Variants in CLNS1A observed in about 807,000 individuals in gnomAD.
CLNS1A encodes the protein chloride nucleotide-sensitive channel 1A.
Under a neutral mutation model 29.4 loss-of-function variants are expected in CLNS1A, and 16 were observed. The observed-to-expected ratio is 0.54, with a 90% CI of 0.37 to 0.83. CLNS1A has a LOEUF of 0.83. Among genes scored for constraint, CLNS1A ranks in the 40% least tolerant of loss-of-function variants. The probability of loss-of-function intolerance (pLI) is 0.00; values close to 1 mark genes in which losing one functional copy is unlikely to be tolerated. For synonymous variants in CLNS1A, 96 were observed against 104.8 expected (o/e 0.92, Z 0.51); for missense variants, 235 against 287.4 (o/e 0.82, Z 1.32).
intron 1 of CLNS1A, 115 bp downstream of exon 1, chr11:77,637,475 A>G (rs1489197948): frequency 1.5e-6 from 2 of 1,361,336 alleles, no homozygotes; most frequent in African/African-American, 3.0e-5. Context: ...CGGGCACGAG[A>G]CCCCGCTCCC....
At chr11:77,622,746 G>A in intron 4 of CLNS1A, 73 bp from the exon 5 acceptor site, 6 of 1,203,046 alleles carry the variant, frequency 5.0e-6, no homozygotes, top group Non-Finnish European at 6.9e-6. Flanking sequence ...TAATATATCT[G>A]CCGCCAGCCT....
chr11:77,636,539 GT>G (rs1959127761), intron 1 of CLNS1A, among the ~76,000 whole-genome samples: 1 of 152,120 alleles, frequency 6.6e-6, no homozygotes, highest in Non-Finnish European at 1.5e-5. Context: ...GTTCTTTACA[GT>G]TTTTGTGCTC....
chr11:77,630,519 A>C lies in CLNS1A; in HGVS notation c.126-620T>G, dbSNP rs1230083247. On this transcript the variant is annotated intron_variant, in intron 1 of 6. Transcript: ENST00000525428. Reference sequence around the variant, plus strand: ...AATGGCTGTAATCACACTCACCGCAAGTCAGGAAATAATTATTACCCTGAG... The same window carrying C: ...AATGGCTGTAATCACACTCACCGCACGTCAGGAAATAATTATTACCCTGAG... Among the ~76,000 whole-genome samples the C allele has an allele frequency of 2.0e-5, 3 of 152,316 alleles. No individual in the cohort carries two copies. The East Asian group carries it at 5.8e-4, about 29-fold the overall frequency.
chr11:77,622,212 G>A (rs1471861883), intron 5 of CLNS1A, among the ~76,000 whole-genome samples: 1 of 152,040 alleles, frequency 6.6e-6, no homozygotes, highest in Non-Finnish European at 1.5e-5. Context: ...TAAATTAATA[G>A]TGGATATCTC....
chr11:77,630,529 T>A (rs1344013373), intron 1 of CLNS1A, among the ~76,000 whole-genome samples: 1 of 152,148 alleles, frequency 6.6e-6, no homozygotes, highest in Non-Finnish European at 1.5e-5. Flanking sequence ...AGTCAGGAAA[T>A]AATTATTACC....
At chr11:77,625,251 A>T in intron 3 of CLNS1A, 181 bp from the exon 4 acceptor site, 4 of 582,148 alleles carry the variant, frequency 6.9e-6, no homozygotes, top group Non-Finnish European at 1.2e-5. Context: ...GTTCATTATG[A>T]GAGATCATTG....
At chr11:77,619,738 T>G in intron 5 of CLNS1A, 43 bp from the exon 6 acceptor site, 1 of 1,315,292 alleles carries the variant, frequency 7.6e-7, no homozygotes, top group South Asian at 1.2e-5. Context: ...TATGAACACT[T>G]CAGACAGGTA....
At position 77,619,589 on chromosome 11, in the gene CLNS1A, G is replaced by A. The variant is rs1565123868; in HGVS notation, c.*22+17C>T. ...GATTTTCATGATCAGCGACAAGGGA[G>A]AAAATGAACTACTCACCTTAAACTT... On this transcript the variant is annotated intron_variant, in intron 6 of 6. Transcript: ENST00000525428. The A allele has an allele frequency of 1.4e-6, 2 of 1,430,548 alleles. No homozygotes were observed. The highest frequency in any genetic ancestry group is 2.0e-6 in the Non-Finnish European group (2 of 1,012,708). The allele number at this position is 1,430,548 out of a possible 1,614,324, so 88.6% of individuals were successfully genotyped here.
At chr11:77,625,628 G>GAGGT in intron 3 of CLNS1A, 89 bp downstream of exon 3, 1 of 1,053,072 alleles carries the variant, frequency 9.5e-7, no homozygotes, top group Non-Finnish European at 1.4e-6. Flanking sequence ...GTAAAGGTGA[G>GAGGT]AGGTGTGTGT....
intron 2 of CLNS1A, among the ~76,000 whole-genome samples, chr11:77,628,646 GATC>G (rs1362987296): frequency 1.3e-5 from 2 of 152,186 alleles, no homozygotes; most frequent in East Asian, 3.8e-4. Context: ...GAATATAAAT[GATC>G]ATATTATATC....
chr11:77,619,297 C>T (rs375741008), intron 6 of CLNS1A, among the ~76,000 whole-genome samples: 6 of 152,070 alleles, frequency 3.9e-5, no homozygotes, highest in African/African-American at 1.2e-4. Flanking sequence ...TTTCGGATGC[C>T]GAGGAGGGAG....
At chr11:77,637,229 G>A (rs1959135946) in intron 1 of CLNS1A, among the ~76,000 whole-genome samples, 1 of 90,058 alleles carries the variant, frequency 1.1e-5, no homozygotes, top group Non-Finnish European at 2.0e-5. Flanking sequence ...CAGACCTCCA[G>A]TAAATAGGCG....
At chr11:77,620,305 G>GA (rs1448072093) in intron 5 of CLNS1A, among the ~76,000 whole-genome samples, 2 of 152,132 alleles carry the variant, frequency 1.3e-5, no homozygotes, top group African/African-American at 2.4e-5. Flanking sequence ...ATATAAGGGG[G>GA]AGTTTTCCTG....
chr11:77,633,150 A>G (rs1959092033), intron 1 of CLNS1A, among the ~76,000 whole-genome samples: 1 of 152,070 alleles, frequency 6.6e-6, no homozygotes, highest in Non-Finnish European at 1.5e-5. Context: ...TTTAATTTGA[A>G]CAAATACCTA....
At chr11:77,627,467 G>A (rs1959032436) in intron 2 of CLNS1A, among the ~76,000 whole-genome samples, 1 of 151,632 alleles carries the variant, frequency 6.6e-6, no homozygotes, top group South Asian at 2.1e-4. Flanking sequence ...AAAGGAACTG[G>A]AGAATTAGTG....
At chr11:77,636,803 G>A (rs537538683) in intron 1 of CLNS1A, among the ~76,000 whole-genome samples, 1 of 152,220 alleles carries the variant, frequency 6.6e-6, no homozygotes, top group African/African-American at 2.4e-5. Flanking sequence ...CATATCTGAA[G>A]GGCAGGAAAG....
chr11:77,617,431 A>C (rs1958915691), intron 6 of CLNS1A, among the ~76,000 whole-genome samples: 1 of 150,588 alleles, frequency 6.6e-6, no homozygotes, highest in South Asian at 2.1e-4. Context: ...AATCCCAGCT[A>C]TTCAGGAGGC....
At chr11:77,632,729 G>A (rs1428096029) in intron 1 of CLNS1A, among the ~76,000 whole-genome samples, 1 of 151,778 alleles carries the variant, frequency 6.6e-6, no homozygotes, top group African/African-American at 2.4e-5. Context: ...TTTTTAAATG[G>A]GAAAACAACT....
intron 2 of CLNS1A, among the ~76,000 whole-genome samples, chr11:77,628,046 G>C (rs550611851): frequency 1.3e-5 from 2 of 152,096 alleles, no homozygotes; most frequent in African/African-American, 2.4e-5. Flanking sequence ...GGATGGTCTC[G>C]ATCTCTTGAC....
Sources: allele counts gnomAD v4.1 joint callset (sites outside exome capture counted in the v4.1 genomes callset), GRCh38; gene constraint gnomAD v4.1.1; transcripts MANE v1.5; gene names NCBI Gene and HGNC (gene_info 2026-07-23, HGNC 2026-07-21).